RGS9: variants seen among roughly 807,000 people sequenced by gnomAD.
The protein encoded by RGS9 is regulator of G-protein signalling 9.
A neutral mutation model predicts 102.0 loss-of-function variants in RGS9; 78 were observed. That is an observed-to-expected ratio of 0.76 (90% CI 0.64 to 0.92). RGS9 has a LOEUF of 0.92. Ranked by LOEUF, RGS9 falls within the 40% of genes least tolerant of loss-of-function variation. The pLI is 0.00. For synonymous variants in RGS9, 353 were observed against 318.6 expected, an observed-to-expected ratio of 1.11 and a Z score of -1.15; for missense variants, 833 against 866.1, an observed-to-expected ratio of 0.96 and a Z score of 0.48.
chr17:65,202,087 A>G lies in RGS9; in HGVS notation c.1064+7A>G, dbSNP rs1255328112. Reference sequence around the variant, plus strand: ...AAGCAGAGGAGATTTACAAGTGAGCATCAGCCAGGGTGCTGGAAAGCCTTC... The same window carrying G: ...AAGCAGAGGAGATTTACAAGTGAGCGTCAGCCAGGGTGCTGGAAAGCCTTC... On this transcript the variant is annotated splice_region_variant and intron_variant, in intron 14 of 18. Coordinates refer to ENST00000262406, the MANE Select transcript of RGS9 (RefSeq NM_003835.4). The G allele has an allele frequency of 6.2e-7, 1 of 1,605,374 alleles. No individual in the cohort carries two copies. Among genetic ancestry groups the G allele is most frequent in the Non-Finnish European group, 8.5e-7 (1 of 1,172,298 alleles).
intron 7 of RGS9, among the ~76,000 whole-genome samples, chr17:65,165,144 A>G (rs1911128868): frequency 6.6e-6 from 1 of 152,006 alleles, no homozygotes; most frequent in South Asian, 2.1e-4. Flanking sequence ...TCTGAGCAGG[A>G]CTATCCCAGC....
chr17:65,178,423 A>T (rs1333865714), intron 9 of RGS9, among the ~76,000 whole-genome samples: 2 of 152,206 alleles, frequency 1.3e-5, no homozygotes, highest in Non-Finnish European at 2.9e-5. Flanking sequence ...TACAGTTCAT[A>T]AGCTGTTGAG....
intron 15 of RGS9, among the ~76,000 whole-genome samples, chr17:65,207,392 G>C (rs1424005239): frequency 6.6e-6 from 1 of 152,174 alleles, no homozygotes; most frequent in East Asian, 1.9e-4. Context: ...TGTTCAGGTA[G>C]TTGTTAATTG....
chr17:65,144,843 C>A (rs1910292731), intron 1 of RGS9, among the ~76,000 whole-genome samples: 1 of 152,150 alleles, frequency 6.6e-6, no homozygotes, highest in African/African-American at 2.4e-5. Context: ...CACAAAGATG[C>A]ATAGACTGAG....
chr17:65,164,390 G>C (rs1911096727), intron 7 of RGS9, among the ~76,000 whole-genome samples: 1 of 152,192 alleles, frequency 6.6e-6, no homozygotes, highest in Non-Finnish European at 1.5e-5. Context: ...GGTGGGTGGG[G>C]ACATAGAATC....
At chr17:65,174,843 G>T (rs1445726299) in intron 8 of RGS9, among the ~76,000 whole-genome samples, 1 of 152,150 alleles carries the variant, frequency 6.6e-6, no homozygotes, top group Non-Finnish European at 1.5e-5. Context: ...ATGGCGGAAC[G>T]GGAAAAGGCA....
intron 17 of RGS9, among the ~76,000 whole-genome samples, chr17:65,220,524 C>A (rs771991169): frequency 6.6e-6 from 1 of 152,140 alleles, no homozygotes; most frequent in Admixed American, 6.5e-5. Flanking sequence ...CATGTGTTCA[C>A]CCATGGCAGA....
chr17:65,174,859 G>T (rs531502244), intron 8 of RGS9, among the ~76,000 whole-genome samples: 2 of 152,296 alleles, frequency 1.3e-5, no homozygotes, highest in Admixed American at 1.3e-4. Flanking sequence ...AGGCACATCT[G>T]ACATGGTGGC....
chr17:65,165,743 T>C (rs1380640198), intron 7 of RGS9, among the ~76,000 whole-genome samples: 2 of 152,134 alleles, frequency 1.3e-5, no homozygotes, highest in East Asian at 3.8e-4. Flanking sequence ...TCCCCATGTT[T>C]GAAACACAGA....
At chr17:65,166,439 TAGCTCAAA>T (rs1465564701) in intron 7 of RGS9, among the ~76,000 whole-genome samples, 1 of 152,250 alleles carries the variant, frequency 6.6e-6, no homozygotes, top group Non-Finnish European at 1.5e-5. Context: ...ATGTGATGTT[TAGCTCAAA>T]AGCTACTCAA....
rs1209776252 is a variant in RGS9 at position 65,137,605 on chromosome 17, T to TG, written c.57+10dup. On this transcript the variant is annotated intron_variant, in intron 1 of 18. Coordinates refer to ENST00000262406, the MANE Select transcript of RGS9 (RefSeq NM_003835.4). Reference sequence around the variant, plus strand: ...ATGGCATTTCTCCAAAAGGTAACCCTGGCCCCTCACCTGGACCCTGGGAGG... The same window carrying TG: ...ATGGCATTTCTCCAAAAGGTAACCCTGGGCCCCTCACCTGGACCCTGGGAGG... 1.9e-6 allele frequency: 3 copies of TG among 1,613,628 alleles called. No individual in the cohort carries two copies. The highest frequency in any genetic ancestry group is 4.5e-5 in the East Asian group (2 of 44,878).
At chr17:65,190,547 G>A (rs976506070) in intron 11 of RGS9, among the ~76,000 whole-genome samples, 1 of 152,152 alleles carries the variant, frequency 6.6e-6, no homozygotes, top group Admixed American at 6.5e-5. Context: ...GACCCTGTGA[G>A]GATCCAAGAC....
In RGS9 at chr17:65,210,478, T is replaced by C; in HGVS notation, c.1290-10T>C. The C allele has an allele frequency of 1.2e-6, 2 of 1,612,872 alleles. No individual in the cohort carries two copies. The highest frequency in any genetic ancestry group is 1.7e-6 in the Non-Finnish European group (2 of 1,179,896). ...TTTTCCTCCAACCACCAATCTGTCCTTCCTTCCAGCTCCACCCTCCCTTTT... is the reference window on the plus strand; with the variant it reads ...TTTTCCTCCAACCACCAATCTGTCCCTCCTTCCAGCTCCACCCTCCCTTTT... On this transcript the variant is annotated splice_polypyrimidine_tract_variant and intron_variant, in intron 16 of 18. Transcript: ENST00000262406.
chr17:65,212,496 G>A (rs781377635), intron 17 of RGS9, among the ~76,000 whole-genome samples: 2 of 152,226 alleles, frequency 1.3e-5, no homozygotes, highest in African/African-American at 2.4e-5. Flanking sequence ...TCTGGGGAGA[G>A]AGGGCTGTGT....
At chr17:65,157,604 C>A (rs1281811953) in intron 2 of RGS9, among the ~76,000 whole-genome samples, 1 of 151,938 alleles carries the variant, frequency 6.6e-6, no homozygotes, top group Non-Finnish European at 1.5e-5. Flanking sequence ...CCCAAGCCAG[C>A]CCCTAAGATT....
chr17:65,192,490 C>T (rs900404635), intron 11 of RGS9, among the ~76,000 whole-genome samples: 2 of 151,844 alleles, frequency 1.3e-5, no homozygotes, highest in East Asian at 1.9e-4. Flanking sequence ...GGCACATGCC[C>T]GTGGTCCCAT....
chr17:65,198,915 T>G (rs941930385), intron 13 of RGS9, among the ~76,000 whole-genome samples: 9 of 152,206 alleles, frequency 5.9e-5, no homozygotes, highest in Non-Finnish European at 4.4e-5. Context: ...AAAAGATGGA[T>G]GGACTGGCGA....
intron 17 of RGS9, among the ~76,000 whole-genome samples, chr17:65,219,309 C>T (rs1268307145): frequency 2.0e-5 from 3 of 152,240 alleles, no homozygotes; most frequent in Non-Finnish European, 4.4e-5. Context: ...AGTGAAGGGA[C>T]TGCAGGTTCT....
At position 65,173,557 on chromosome 17, in the gene RGS9, G is replaced by A. The variant is rs1402894763; in HGVS notation, c.583-4175G>A. Among the ~76,000 whole-genome samples, 3 of 152,230 alleles carry A rather than the reference G, an allele frequency of 2.0e-5. No individual in the cohort carries two copies. The highest frequency in any genetic ancestry group is 3.8e-4 in the East Asian group (2 of 5,202). ...CAAGGGATGTTGTTTGTGGGGGGCG[G>A]GGTCATACCCTGGTGTTCACAGTTC... On this transcript the variant is annotated intron_variant, in intron 8 of 18. Coordinates refer to ENST00000262406, the MANE Select transcript of RGS9 (RefSeq NM_003835.4). This position sits in a 1 kb window ranked among gnomAD's most constrained non-coding sequence, Gnocchi z 4.8.
Sources: allele counts gnomAD v4.1 joint callset (sites outside exome capture counted in the v4.1 genomes callset), GRCh38; gene constraint gnomAD v4.1.1; non-coding constraint Gnocchi (gnomAD v3.1); transcripts MANE v1.5; gene names NCBI Gene and HGNC (gene_info 2026-07-23, HGNC 2026-07-21).